DLGAP2: variants seen among roughly 807,000 people sequenced by gnomAD.
DLGAP2 encodes DLG associated protein 2.
In DLGAP2, 26 loss-of-function variants were observed where a neutral mutation model predicts 100.3. The observed-to-expected ratio is 0.26, with a 90% CI of 0.19 to 0.36. DLGAP2 has a LOEUF of 0.36. Ranked by LOEUF, DLGAP2 falls within the 10% of genes least tolerant of loss-of-function variation. DLGAP2 has a pLI of 1.00. For synonymous variants in DLGAP2, 886 were observed against 630.1 expected (o/e 1.41, Z -6.08); for missense variants, 1,858 against 1,453.2 (o/e 1.28, Z -4.53).
At chr8:1,499,645 T>G (rs1302724164) in intron 3 of DLGAP2, among the ~76,000 whole-genome samples, 1 of 152,262 alleles carries the variant, frequency 6.6e-6, no homozygotes, top group Non-Finnish European at 1.5e-5. Flanking sequence ...GAAATGGGGT[T>G]ATGTTAAATC....
At chr8:1,457,482 C>G (rs1261744055) in intron 3 of DLGAP2, among the ~76,000 whole-genome samples, 9 of 152,118 alleles carry the variant, frequency 5.9e-5, no homozygotes. Context: ...GGTTTGTATC[C>G]TTAACTAGTA....
intron 3 of DLGAP2, among the ~76,000 whole-genome samples, chr8:1,271,596 C>A (rs1034397337): frequency 6.6e-6 from 1 of 152,024 alleles, no homozygotes; most frequent in African/African-American, 2.4e-5. Flanking sequence ...GTAAATACAG[C>A]AATGGTTGTA....
intron 1 of DLGAP2, among the ~76,000 whole-genome samples, chr8:819,748 GA>G (rs1417045589): frequency 6.6e-6 from 1 of 152,170 alleles, no homozygotes; most frequent in Non-Finnish European, 1.5e-5. Flanking sequence ...AGATTTATAG[GA>G]AAAACAATGA....
intron 5 of DLGAP2, among the ~76,000 whole-genome samples, chr8:1,561,508 G>A (rs1016910299): frequency 1.3e-5 from 2 of 152,078 alleles, no homozygotes; most frequent in African/African-American, 4.8e-5. Context: ...GGGAGAATCT[G>A]GAACTTCCCA....
chr8:1,158,340 A>T (rs1796830924), intron 2 of DLGAP2, among the ~76,000 whole-genome samples: 1 of 152,222 alleles, frequency 6.6e-6, no homozygotes, highest in African/African-American at 2.4e-5. Flanking sequence ...TTATATGTGC[A>T]TGTATGTATG....
chr8:874,240 C>G lies in DLGAP2; in HGVS notation c.19-33672C>G, dbSNP rs533749985. The stretch of plus-strand genomic sequence containing the variant: ...TATTATTATTTTTTCTTTTTTCTGC[C>G]TGCTTTACATTTAGTTTGTTCTTCT... On this transcript the variant is annotated intron_variant, in intron 1 of 14. Coordinates refer to ENST00000637795, the MANE Select transcript of DLGAP2 (RefSeq NM_001346810.2). Among the ~76,000 whole-genome samples the G allele has an allele frequency of 4.6e-5, 7 of 151,196 alleles. No homozygotes were observed. In the South Asian group the frequency reaches 1.5e-3, roughly 31 times the overall value.
At chr8:1,633,662 C>A (rs1282508333) in intron 8 of DLGAP2, among the ~76,000 whole-genome samples, 1 of 152,128 alleles carries the variant, frequency 6.6e-6, no homozygotes, top group Admixed American at 6.5e-5. Context: ...ATTTCTATAA[C>A]ACGATGAATA....
chr8:802,346 C>T (rs1796185965), intron 1 of DLGAP2, among the ~76,000 whole-genome samples: 1 of 152,242 alleles, frequency 6.6e-6, no homozygotes, highest in Non-Finnish European at 1.5e-5. Context: ...CCTCCTGGGT[C>T]CCCCCACCTC....
At chr8:1,334,737 A>T (rs932067360) in intron 3 of DLGAP2, among the ~76,000 whole-genome samples, 1 of 148,818 alleles carries the variant, frequency 6.7e-6, no homozygotes, top group Non-Finnish European at 1.5e-5. Context: ...GTAGCACCAC[A>T]TGGAAGCTAT....
intron 3 of DLGAP2, among the ~76,000 whole-genome samples, chr8:1,324,850 T>C (rs1366937251): frequency 6.6e-6 from 1 of 152,182 alleles, no homozygotes; most frequent in Non-Finnish European, 1.5e-5. Flanking sequence ...AATACGGAGC[T>C]GATTTGTTTT....
At chr8:1,559,789 G>T (rs1584926947) in intron 5 of DLGAP2, among the ~76,000 whole-genome samples, 1 of 152,206 alleles carries the variant, frequency 6.6e-6, no homozygotes, top group African/African-American at 2.4e-5. Context: ...ATTCCCAGGA[G>T]AGTGGCAGCG....
chr8:875,641 G>A (rs906508493), intron 1 of DLGAP2, among the ~76,000 whole-genome samples: 10 of 152,114 alleles, frequency 6.6e-5, no homozygotes, highest in African/African-American at 1.4e-4. Context: ...TTACCCAGTC[G>A]TGAGTATGTC....
At chr8:1,525,191 CTTTT>C (rs56358216) in intron 4 of DLGAP2, among the ~76,000 whole-genome samples, 96 of 103,648 alleles carry the variant, frequency 9.3e-4, no homozygotes, top group African/African-American at 3.1e-3. Context: ...ACTCTGATGT[CTTTT>C]TTTTTTTTTT....
chr8:1,547,929 T>G (rs905055484), intron 4 of DLGAP2, among the ~76,000 whole-genome samples: 1 of 152,234 alleles, frequency 6.6e-6, no homozygotes, highest in Non-Finnish European at 1.5e-5. Context: ...ATGAGCTTAC[T>G]AGACAATATC....
chr8:897,356 T>C lies in DLGAP2; in HGVS notation c.19-10556T>C, dbSNP rs538661129. 5.3e-5 allele frequency among the ~76,000 whole-genome samples: 8 copies of C among 152,202 alleles called. No homozygotes were observed. In the South Asian group the frequency reaches 1.7e-3, roughly 32 times the overall value. ...AAGGTGAACACCACGATTGTGCCGA[T>C]GTATCTGCATTGTAACTGGAAAGCT... On this transcript the variant is annotated intron_variant, in intron 1 of 14. Coordinates refer to ENST00000637795, the MANE Select transcript of DLGAP2 (RefSeq NM_001346810.2).
At chr8:1,041,211 T>C (rs1455240431) in intron 2 of DLGAP2, among the ~76,000 whole-genome samples, 5 of 152,224 alleles carry the variant, frequency 3.3e-5, no homozygotes, top group Non-Finnish European at 7.3e-5. Flanking sequence ...CCATGTTGTA[T>C]CTGCCACAGA....
intron 3 of DLGAP2, among the ~76,000 whole-genome samples, chr8:1,466,423 C>T (rs975398048): frequency 6.6e-6 from 1 of 151,966 alleles, no homozygotes; most frequent in African/African-American, 2.4e-5. Flanking sequence ...TGGAACCACG[C>T]GTGCAGTGAC....
intron 2 of DLGAP2, among the ~76,000 whole-genome samples, chr8:1,199,562 G>T (rs1179238131): frequency 1.3e-5 from 2 of 152,164 alleles, no homozygotes; most frequent in Non-Finnish European, 2.9e-5. Flanking sequence ...CTCAGCAGTT[G>T]GCTTCAGAAA....
At chr8:1,638,103 C>T (rs1485334301) in intron 8 of DLGAP2, among the ~76,000 whole-genome samples, 4 of 152,150 alleles carry the variant, frequency 2.6e-5, no homozygotes, top group African/African-American at 4.8e-5. Flanking sequence ...ATCCATGCTG[C>T]ACCTGTAGTA....
Sources: allele counts gnomAD v4.1 joint callset (sites outside exome capture counted in the v4.1 genomes callset), GRCh38; gene constraint gnomAD v4.1.1; transcripts MANE v1.5; gene names NCBI Gene and HGNC (gene_info 2026-07-23, HGNC 2026-07-21).